Variants in ANKDD1A observed in about 807,000 individuals in gnomAD.
ANKDD1A encodes ankyrin repeat and death domain-containing protein 1A.
Under a neutral mutation model 63.5 loss-of-function variants are expected in ANKDD1A, and 59 were observed. The ratio of observed to expected loss-of-function variants is 0.93; its 90% CI spans 0.75 to 1.15. The LOEUF is 1.15. Ranked by LOEUF, ANKDD1A falls within the 50% of genes most tolerant of loss-of-function variation. ANKDD1A has a pLI of 0.00. For missense variants in ANKDD1A, 632 were observed against 656.4 expected, an observed-to-expected ratio of 0.96 and a Z score of 0.41; for synonymous variants, 266 against 263.9, an observed-to-expected ratio of 1.01 and a Z score of -0.08.
chr15:64,952,806 T>G (rs1459124067), intron 14 of ANKDD1A, among the ~76,000 whole-genome samples: 2 of 148,410 alleles, frequency 1.3e-5, no homozygotes, highest in African/African-American at 4.9e-5. Context: ...TTTCTTCTCC[T>G]TCTCCTCCTT....
rs1418107900 is a variant in ANKDD1A at position 64,947,263 on chromosome 15, T to C, written c.1162-141T>C. 11 of 762,726 alleles carry C rather than the reference T, an allele frequency of 1.4e-5. No homozygotes were observed. In the Admixed American group the frequency reaches 2.9e-4, roughly 20 times the overall value. 47.2% of individuals were successfully genotyped at this position (762,726 alleles called of 1,614,324 possible). A position where few individuals can be genotyped will look rare whatever the true frequency, so the allele number is the denominator to read the frequency against. ...GAGTGAGAAACCAGAAGAGAGGACA[T>C]TAAGCCCCTGGCCCTTGCTGACTCC... On this transcript the variant is annotated intron_variant, in intron 12 of 14. Coordinates refer to ENST00000319580, the MANE Select transcript of ANKDD1A (RefSeq NM_182703.6).
At chr15:64,950,413 T>C (rs749269741) in intron 14 of ANKDD1A, 13 of 985,320 alleles carry the variant, frequency 1.3e-5, no homozygotes, top group African/African-American at 1.7e-5. Context: ...TCACAACTTA[T>C]TTGAGTATGC....
chr15:64,953,650 C>CTTCTTCCTCT lies in ANKDD1A; in HGVS notation c.1484-3452_1484-3451insTCTTCCTCTT, dbSNP rs2085353315. ...TTCTTCCTTCTTCTTCCTCTTCCTTCTCCTTCTTTTCTTTCTTCTCCTTCT... is the reference window on the plus strand; with the variant it reads ...TTCTTCCTTCTTCTTCCTCTTCCTTCTTCTTCCTCTTCCTTCTTTTCTTTCTTCTCCTTCT... On this transcript the variant is annotated intron_variant, in intron 14 of 14. Coordinates refer to ENST00000319580, the MANE Select transcript of ANKDD1A (RefSeq NM_182703.6). Among the ~76,000 whole-genome samples the CTTCTTCCTCT allele has an allele frequency of 3.5e-5, 3 of 85,402 alleles. No individual in the cohort carries two copies. In the East Asian group the frequency reaches 1.1e-3, roughly 32 times the overall value. The allele number at this position is 85,402 out of a possible 152,430, so 56.0% of individuals were successfully genotyped here. A position where few individuals can be genotyped will look rare whatever the true frequency, so the allele number is the denominator to read the frequency against.
At chr15:64,929,137 C>A (rs956115878) in intron 6 of ANKDD1A, among the ~76,000 whole-genome samples, 7 of 152,198 alleles carry the variant, frequency 4.6e-5, no homozygotes, top group Non-Finnish European at 8.8e-5. Flanking sequence ...CTGTTGAGGG[C>A]TTTTTAAAAT....
At chr15:64,948,349 T>G (rs1024325264) in intron 13 of ANKDD1A, among the ~76,000 whole-genome samples, 5 of 152,210 alleles carry the variant, frequency 3.3e-5, no homozygotes, top group Non-Finnish European at 7.3e-5. Context: ...TTTTCTCCAA[T>G]TAGATTAAAA....
intron 3 of ANKDD1A, among the ~76,000 whole-genome samples, chr15:64,917,747 G>A (rs2084980487): frequency 6.6e-6 from 1 of 152,180 alleles, no homozygotes. Context: ...AGCCTTTTCA[G>A]TCCCTCATGA....
At chr15:64,950,707 T>C (rs997090434) in intron 14 of ANKDD1A, 2 of 969,272 alleles carry the variant, frequency 2.1e-6, no homozygotes, top group East Asian at 2.3e-4. Context: ...TCTAGCATAT[T>C]ATTGAGGGAA....
chr15:64,928,792 A>T (rs1431970533), intron 6 of ANKDD1A, among the ~76,000 whole-genome samples: 1 of 152,272 alleles, frequency 6.6e-6, no homozygotes, highest in Non-Finnish European at 1.5e-5. Context: ...GCCCACGCCA[A>T]GGCTGCCTTC....
At chr15:64,948,654 C>T (rs1413503634) in intron 13 of ANKDD1A, among the ~76,000 whole-genome samples, 1 of 151,936 alleles carries the variant, frequency 6.6e-6, no homozygotes, top group Non-Finnish European at 1.5e-5. Flanking sequence ...GTGAATCCCC[C>T]GTCTCTACTA....
intron 14 of ANKDD1A, among the ~76,000 whole-genome samples, chr15:64,953,629 T>TCTTCTTTCC: frequency 8.8e-5 from 1 of 11,308 alleles, no homozygotes; most frequent in Non-Finnish European, 5.0e-4. Context: ...TTCTTCTTCT[T>TCTTCTTTCC]CCTTCTTCTT....
rs73471153 is a variant in ANKDD1A, at chr15:64,919,171, A to G, written c.267+1657A>G. 5.5e-3 allele frequency among the ~76,000 whole-genome samples: 833 copies of G among 152,258 alleles called. 6 individuals are homozygous for G. The highest frequency in any genetic ancestry group is 0.019 in the African/African-American group (789 of 41,542). ...CTATGTATGTGGGGAAAGCTGGTAT[A>G]GGACTGTGATGTATCCCGGAGGTCC... On this transcript the variant is annotated intron_variant, in intron 3 of 14. Transcript: ENST00000319580.
chr15:64,945,076 C>T (rs1049385872), intron 12 of ANKDD1A, among the ~76,000 whole-genome samples: 16 of 152,282 alleles, frequency 1.1e-4, no homozygotes, highest in African/African-American at 3.9e-4. Context: ...CATCTTATGC[C>T]ATCTCCAGGT....
At chr15:64,952,896 CTCCTTCCTT>C (rs2085324394) in intron 14 of ANKDD1A, among the ~76,000 whole-genome samples, 2 of 89,726 alleles carry the variant, frequency 2.2e-5, no homozygotes, top group African/African-American at 7.2e-5. Context: ...CTTCTTCCTT[CTCCTTCCTT>C]CTCTTCTTCT....
chr15:64,931,581 C>A lies in ANKDD1A; in HGVS notation c.764C>A (p.Thr255Asn). Reference protein sequence around the residue: ...LRAGSTVNALTQKNLSCLHYA... With the variant: ...LRAGSTVNALNQKNLSCLHYA... ...GCTGGGAGCACCGTGAATGCCCTCA[C>A]CCAGGTAGCCAGGCCCTCCCAAGAC... is the stretch of plus-strand genomic sequence containing the variant. Residue 255 changes from threonine to asparagine, a missense_variant, in exon 8 of 15, where the codon ACC becomes AAC. Physicochemically the swap from Thr to Asn is moderately conservative, Grantham distance 65. Coordinates refer to ENST00000319580, the MANE Select transcript of ANKDD1A (RefSeq NM_182703.6). 1.2e-6 allele frequency: 2 copies of A among 1,613,868 alleles called. No homozygotes were observed. The highest frequency in any genetic ancestry group is 1.7e-6 in the Non-Finnish European group (2 of 1,179,996).
chr15:64,942,566 G>A lies in ANKDD1A; in HGVS notation c.966+1G>A. On this transcript the variant is annotated splice_donor_variant, in intron 10 of 14. Transcript: ENST00000319580. LOFTEE classifies it high-confidence loss of function. ...CAGTGACGTGAATGCCGTGGACAAT[G>A]TAAGTGGCTACAGAGACCTTCCGGG... 6.2e-7 allele frequency: 1 copy of A among 1,611,882 alleles called. No homozygotes were observed. The highest frequency in any genetic ancestry group is 1.1e-5 in the South Asian group (1 of 90,762).
intron 9 of ANKDD1A, among the ~76,000 whole-genome samples, chr15:64,942,085 C>A (rs1450281092): frequency 1.3e-5 from 2 of 152,056 alleles, no homozygotes; most frequent in Non-Finnish European, 2.9e-5. Context: ...CTATATACTT[C>A]CTAGGTTGAT....
At position 64,944,732 on chromosome 15, in the gene ANKDD1A, C is replaced by G. The variant is rs760931753; in HGVS notation, c.1146C>G (p.Phe382Leu). 2 of 1,614,070 alleles carry G rather than the reference C, an allele frequency of 1.2e-6. No individual in the cohort carries two copies. Among genetic ancestry groups the G allele is most frequent in the South Asian group, 1.1e-5 (1 of 91,068 alleles). Residue 382 changes from phenylalanine to leucine, a missense_variant, in exon 12 of 15, where the codon TTC becomes TTG. Phe to Leu is a conservative substitution (Grantham distance 22). Coordinates refer to ENST00000319580, the MANE Select transcript of ANKDD1A (RefSeq NM_182703.6). ...LVDMIIKADR[F>L]YRWEKDHPSD... ...ACATGATCATAAAAGCTGATCGTTT[C>G]TACAGATGGGAGAAGGTACGGAGGC...
At chr15:64,918,836 C>T (rs539610838) in intron 3 of ANKDD1A, among the ~76,000 whole-genome samples, 1 of 152,052 alleles carries the variant, frequency 6.6e-6, no homozygotes, top group African/African-American at 2.4e-5. Flanking sequence ...CACCTGTGAT[C>T]CCAGCTGCTG....
chr15:64,945,605 A>AACATATATAT (rs2085215820), intron 12 of ANKDD1A, among the ~76,000 whole-genome samples: 4 of 3,812 alleles, frequency 1.0e-3, no homozygotes, highest in African/African-American at 2.9e-3. Flanking sequence ...ATGCATTTTC[A>AACATATATAT]ACATATATAT....
Sources: allele counts gnomAD v4.1 joint callset (sites outside exome capture counted in the v4.1 genomes callset), GRCh38; gene constraint gnomAD v4.1.1; transcripts MANE v1.5; gene names NCBI Gene and HGNC (gene_info 2026-07-23, HGNC 2026-07-21).